Variants in CFHR5 observed in about 807,000 individuals in gnomAD.
The protein encoded by CFHR5 is complement factor H-related protein 5.
Under a neutral mutation model 62.9 loss-of-function variants are expected in CFHR5, and 73 were observed. The ratio of observed to expected loss-of-function variants is 1.16; its 90% CI spans 0.96 to 1.41. The LOEUF (loss-of-function observed/expected upper bound fraction) is 1.41, where lower values mean the gene tolerates loss of function less well. CFHR5 is among the 40% of genes most tolerant of loss of function. The probability of loss-of-function intolerance (pLI) is 0.00; values close to 1 mark genes in which losing one functional copy is unlikely to be tolerated. For synonymous variants in CFHR5, 249 were observed against 227.2 expected (o/e 1.10, Z -0.86); for missense variants, 779 against 679.9 (o/e 1.15, Z -1.62).
chr1:196,994,377 A>G (rs1293843469), intron 4 of CFHR5, 121 bp downstream of exon 4: 6 of 816,078 alleles, frequency 7.4e-6, no homozygotes, highest in Non-Finnish European at 1.2e-5. Context: ...GGCAAAGGAG[A>G]AAGGATGCAG....
At chr1:196,976,881 G>T (rs1046766300), upstream of CFHR5, among the ~76,000 whole-genome samples, 12 of 142,178 alleles carry the variant, frequency 8.4e-5, no homozygotes, top group South Asian at 2.2e-4. Flanking sequence ...CTCCACTCAC[G>T]GCAAGCTCTG....
At chr1:197,001,721 GC>G (rs1485710591) in intron 7 of CFHR5, among the ~76,000 whole-genome samples, 1 of 77,864 alleles carries the variant, frequency 1.3e-5, no homozygotes, top group Non-Finnish European at 2.4e-5. Context: ...CCCCACAACA[GC>G]CCCCGGTGTG....
intron 3 of CFHR5, among the ~76,000 whole-genome samples, chr1:196,987,937 T>C (rs1653739745): frequency 6.6e-6 from 1 of 152,206 alleles, no homozygotes; most frequent in East Asian, 1.9e-4. Context: ...CGGATGGCAT[T>C]GACTCTATAA....
At chr1:196,999,722 T>TATACACAC (rs1164729053) in intron 7 of CFHR5, among the ~76,000 whole-genome samples, 178 of 116,060 alleles carry the variant, frequency 1.5e-3, no homozygotes, top group African/African-American at 6.0e-3. Context: ...TATATATATA[T>TATACACAC]ACACACACAC....
chr1:197,003,936 G>A (rs1654215185), intron 8 of CFHR5, among the ~76,000 whole-genome samples: 1 of 152,274 alleles, frequency 6.6e-6, no homozygotes, highest in African/African-American at 2.4e-5. Flanking sequence ...GTTTAAAGGT[G>A]AAAGAATCTA....
At chr1:197,004,369 T>C (rs1242652228) in intron 8 of CFHR5, among the ~76,000 whole-genome samples, 1 of 152,178 alleles carries the variant, frequency 6.6e-6, no homozygotes, top group African/African-American at 2.4e-5. Context: ...CTTTTACCTT[T>C]CCTCTTTAAG....
chr1:196,999,732 CACATATATATACACACACAT>C lies in CFHR5; in HGVS notation c.1147+1430_1147+1449del, dbSNP rs1558289041. On this transcript the variant is annotated intron_variant, in intron 7 of 9. Transcript: ENST00000256785. ...ATATATATATATATATACACACACACACATATATATACACACACATATGTATATACACACACACATATATG... is the reference window on the plus strand; with the variant it reads ...ATATATATATATATATACACACACACATGTATATACACACACACATATATG... Among the ~76,000 whole-genome samples the C allele has an allele frequency of 5.4e-5, 4 of 74,336 alleles. No homozygotes were observed. In the East Asian group the frequency reaches 1.8e-3, roughly 33 times the overall value. The allele number at this position is 74,336 out of a possible 152,430, so 48.8% of individuals were successfully genotyped here. A position where few individuals can be genotyped will look rare whatever the true frequency, so the allele number is the denominator to read the frequency against.
At chr1:196,991,843 C>G (rs117062357) in intron 3 of CFHR5, among the ~76,000 whole-genome samples, 3 of 152,160 alleles carry the variant, frequency 2.0e-5, no homozygotes, top group Non-Finnish European at 4.4e-5. Context: ...ACACGTGGGA[C>G]GGGGACCCAC....
intron 3 of CFHR5, among the ~76,000 whole-genome samples, chr1:196,989,021 C>T (rs758887342): frequency 6.6e-6 from 1 of 151,898 alleles, no homozygotes; most frequent in Non-Finnish European, 1.5e-5. Context: ...GGGTGGTAGG[C>T]AATTAATTAT....
Position 197,002,665 on chromosome 1 carries a change from G to C in CFHR5, c.1330+1G>C. On this transcript the variant is annotated splice_donor_variant, in intron 8 of 9. Transcript: ENST00000256785. LOFTEE classifies it high-confidence loss of function. ...TGGCAATCATTACCACGCTGTGTTG[G>C]TTAGTAGTTTATTTCTAAGTAATTT... 1.9e-6 allele frequency: 3 copies of C among 1,610,646 alleles called. No homozygotes were observed. Among genetic ancestry groups the C allele is most frequent in the Non-Finnish European group, 2.5e-6 (3 of 1,177,272 alleles).
At position 196,994,751 on chromosome 1, in the gene CFHR5, A is replaced by C. The variant is rs542066796; in HGVS notation, c.607+495A>C. Reference sequence around the variant, plus strand: ...TCACAATGCTGATAAACACATACCCAAGACTGGGCAATTTACAAAAGAAAG... The same window carrying C: ...TCACAATGCTGATAAACACATACCCCAGACTGGGCAATTTACAAAAGAAAG... On this transcript the variant is annotated intron_variant, in intron 4 of 9. Transcript: ENST00000256785. Among the ~76,000 whole-genome samples, 69 of 152,240 alleles carry C rather than the reference A, an allele frequency of 4.5e-4. 3 individuals carry two copies. Among genetic ancestry groups the C allele is most frequent in the African/African-American group, 1.6e-3 (68 of 41,542 alleles).
Position 197,002,634 on chromosome 1 carries a change from G to A in CFHR5, c.1300G>A (p.Gly434Arg), listed in dbSNP as rs1654184689. 1 of 1,613,314 alleles carries A rather than the reference G, an allele frequency of 6.2e-7. No homozygotes were observed. Among genetic ancestry groups the A allele is most frequent in the Non-Finnish European group, 8.5e-7 (1 of 1,179,550 alleles). The change falls in exon 8 of 10, where the codon GGA (glycine) becomes AGA (arginine). Residue 434 changes from glycine (G) to arginine (R), a missense_variant. Physicochemically the swap from Gly to Arg is moderately radical, Grantham distance 125 (BLOSUM62 -2). Transcript: ENST00000256785. ...PEAKEIVCKD[G>R]RWQSLPRCVE... ...AGCAAAAGAAATTGTATGTAAAGAT[G>A]GACGATGGCAATCATTACCACGCTG...
chr1:196,996,274 C>T, intron 6 of CFHR5, 73 bp downstream of exon 6: 2 of 1,249,130 alleles, frequency 1.6e-6, no homozygotes, highest in East Asian at 4.7e-5. Flanking sequence ...GTGTATAAAT[C>T]TGGCTAGAAT....
chr1:196,980,591 CGTGT>C (rs57437038), intron 1 of CFHR5, among the ~76,000 whole-genome samples: 36,485 of 145,272 alleles, frequency 0.25, 4,432 homozygotes, highest in Middle Eastern at 0.38. Context: ...TGTATATATA[CGTGT>C]GTGTGTGTGT....
upstream of CFHR5, among the ~76,000 whole-genome samples, chr1:196,976,961 C>T (rs915256344): frequency 6.6e-6 from 1 of 151,688 alleles, no homozygotes; most frequent in Non-Finnish European, 1.5e-5. Flanking sequence ...CCCGCCACCA[C>T]GCCTGGCTAA....
Position 197,008,616 on chromosome 1 carries a change from T to C in CFHR5, c.1643T>C (p.Met548Thr). Residue 548 changes from methionine (M) to threonine (T), a missense_variant, in exon 10 of 10, where the codon ATG becomes ACG. Physicochemically the swap from Met to Thr is moderately conservative, Grantham distance 81. Coordinates refer to ENST00000256785, the MANE Select transcript of CFHR5 (RefSeq NM_030787.4). ...EFQCKFPHKA[M>T]ISSPPFRAIC... ...CAGTGTAAATTCCCACATAAAGCGA[T>C]GATATCATCACCACCATTTCGAGCA... 6.2e-7 allele frequency: 1 copy of C among 1,613,914 alleles called. No homozygotes were observed. Among genetic ancestry groups the C allele is most frequent in the Non-Finnish European group, 8.5e-7 (1 of 1,179,876 alleles).
chr1:196,997,186 T>C (rs1654014506), intron 6 of CFHR5, among the ~76,000 whole-genome samples: 1 of 152,148 alleles, frequency 6.6e-6, no homozygotes, highest in African/African-American at 2.4e-5. Context: ...GAAAAATTAC[T>C]GTAGGTGTTG....
At chr1:196,980,880 G>A (rs2125025593) in intron 1 of CFHR5, among the ~76,000 whole-genome samples, 1 of 152,196 alleles carries the variant, frequency 6.6e-6, no homozygotes, top group South Asian at 2.1e-4. Context: ...AAGTACATAT[G>A]CATGAAAATC....
chr1:196,983,901 T>A, intron 2 of CFHR5, 60 bp from the exon 3 acceptor site: 1 of 1,219,154 alleles, frequency 8.2e-7, no homozygotes, highest in Non-Finnish European at 1.2e-6. Flanking sequence ...AATGAAATAT[T>A]TTTAAATGCA....
Sources: gnomAD v4.1 joint callset for allele counts (sites outside exome capture counted in the v4.1 genomes callset) on GRCh38, gnomAD v4.1.1 for gene constraint, MANE v1.5 for transcripts, NCBI Gene and HGNC (gene_info 2026-07-23, HGNC 2026-07-21) for gene names.